The following NCKAP5L variants were observed in gnomAD, a reference collection of about 807,000 sequenced individuals.
The protein encoded by NCKAP5L is nck-associated protein 5-like.
NCKAP5L carries 54 observed loss-of-function variants against 103.2 expected under a neutral mutation model. The observed-to-expected ratio is 0.52, with a 90% CI of 0.42 to 0.66. NCKAP5L has a LOEUF of 0.66. Ranked by LOEUF, NCKAP5L falls within the 30% of genes least tolerant of loss-of-function variation. NCKAP5L has a pLI of 0.00. For missense variants in NCKAP5L, 1,733 were observed against 1,750.6 expected (o/e 0.99, Z 0.18); for synonymous variants, 762 against 748.6 (o/e 1.02, Z -0.29).
At chr12:49,794,521 GA>G (rs1945997526) in intron 8 of NCKAP5L, among the ~76,000 whole-genome samples, 1 of 152,128 alleles carries the variant, frequency 6.6e-6, no homozygotes, top group Non-Finnish European at 1.5e-5. Flanking sequence ...GACCATCCAG[GA>G]AGATGTGGAC....
intron 1 of NCKAP5L, among the ~76,000 whole-genome samples, chr12:49,822,465 TG>T (rs979088064): frequency 1.3e-5 from 2 of 152,144 alleles, no homozygotes; most frequent in Non-Finnish European, 2.9e-5. Flanking sequence ...TGTGTGTATT[TG>T]GTATTGTGTA....
At chr12:49,827,075 A>G (rs1204604524) in intron 1 of NCKAP5L, among the ~76,000 whole-genome samples, 2 of 152,200 alleles carry the variant, frequency 1.3e-5, no homozygotes, top group African/African-American at 4.8e-5. Flanking sequence ...CCTATCACAC[A>G]AGGAGTCTCA....
rs536060380 is a variant in NCKAP5L, at chr12:49,816,902, T to C, written c.-98-10861A>G. Among the ~76,000 whole-genome samples the C allele has an allele frequency of 6.6e-5, 10 of 152,182 alleles. 1 individual carries two copies. In the South Asian group the frequency reaches 1.9e-3, roughly 28 times the overall value. ...TACAGATATTTCTGAACCGACAAAC[T>C]TACTAGGAAATGCAATGCTTGGGTA... On this transcript the variant is annotated intron_variant, in intron 1 of 12. Transcript: ENST00000335999.
In NCKAP5L at chr12:49,791,634, G is replaced by T. The variant is rs1945935417; in HGVS notation, c.*205C>A. 2.1e-6 allele frequency: 1 copy of T among 485,656 alleles called. No individual in the cohort carries two copies. The highest frequency in any genetic ancestry group is 3.3e-5 in the East Asian group (1 of 30,420). 30.1% of individuals were successfully genotyped at this position (485,656 alleles called of 1,614,324 possible). A position where few individuals can be genotyped will look rare whatever the true frequency, so the allele number is the denominator to read the frequency against. On this transcript the variant is annotated 3_prime_UTR_variant, in exon 13 of 13. Coordinates refer to ENST00000335999, the MANE Select transcript of NCKAP5L (RefSeq NM_001037806.4). ...GGTGAGAGAAGGGACCAAGGGCGGG[G>T]TCTCTCCCTGAGCTGAGCACGGTCA...
chr12:49,792,951 T>A lies in NCKAP5L; in HGVS notation c.3376A>T (p.Ile1126Phe). Residue 1126 changes from isoleucine (I) to phenylalanine (F), a missense_variant, in exon 11 of 13, where the codon ATT (isoleucine) becomes TTT (phenylalanine). By Grantham distance (21) the Ile-to-Phe change is conservative. Transcript: ENST00000335999. This position sits in a 1 kb window ranked among gnomAD's most constrained non-coding sequence, Gnocchi z 4.5. Reference protein sequence around the residue: ...GSLTRTLDSGIGTFPPPDHGS... With the variant: ...GSLTRTLDSGFGTFPPPDHGS... ...TGGTCTGGGGGTGGGAAGGTCCCAA[T>A]GCCACTGTCCAAGGTTCGAGTCAAG... 1 of 1,558,472 alleles carries A rather than the reference T, an allele frequency of 6.4e-7. No individual in the cohort carries two copies. The highest frequency in any genetic ancestry group is 8.6e-7 in the Non-Finnish European group (1 of 1,159,896).
At chr12:49,818,715 G>A (rs1946327921) in intron 1 of NCKAP5L, among the ~76,000 whole-genome samples, 3 of 152,124 alleles carry the variant, frequency 2.0e-5, no homozygotes, top group Middle Eastern at 3.4e-3. Context: ...AAAAATGCTC[G>A]ATATCACGAA....
intron 6 of NCKAP5L, 30 bp downstream of exon 6, chr12:49,801,818 G>A (rs764747016): frequency 1.1e-5 from 17 of 1,612,274 alleles, no homozygotes; most frequent in Middle Eastern, 1.7e-4. Context: ...GAGGCAGTGC[G>A]ATGGGAGTGA....
In NCKAP5L at chr12:49,796,023, A is replaced by G. The variant is rs1286133584; in HGVS notation, c.1837T>C (p.Tyr613His). The G allele has an allele frequency of 6.4e-7, 1 of 1,552,972 alleles. No homozygotes were observed. The highest frequency in any genetic ancestry group is 8.7e-7 in the Non-Finnish European group (1 of 1,154,852). The change falls in exon 8 of 13, where the codon TAC becomes CAC. Residue 613 changes from tyrosine to histidine, a missense_variant. By Grantham distance (83) the Tyr-to-His change is moderately conservative. Coordinates refer to ENST00000335999, the MANE Select transcript of NCKAP5L (RefSeq NM_001037806.4). ...TTCTCTTGGGGGCTCCCATAGGGGT[A>G]CGATTCTGGGAGGCAAGGACTGGGG... ...VPPSPCLPES[Y>H]PYGSPQEKSL...
In NCKAP5L at chr12:49,794,852, C is replaced by T; in HGVS notation, c.3008G>A (p.Gly1003Glu). ...CACCTGCCCCAGCCCCGTGTTGGGC[C>T]CTGGGGCTGGGCCACCAGGCCGTGG... The part of the protein sequence containing the change: ...ARPRPGGPAP[G>E]PNTGLGQVQG... The change falls in exon 8 of 13, where the codon GGG becomes GAG. Residue 1003 changes from glycine to glutamate, a missense_variant. Gly to Glu is a moderately conservative substitution (Grantham distance 98). Transcript: ENST00000335999. 3.3e-6 allele frequency: 5 copies of T among 1,508,866 alleles called. No individual in the cohort carries two copies. Among genetic ancestry groups the T allele is most frequent in the Non-Finnish European group, 4.4e-6 (5 of 1,129,168 alleles). 93.5% of individuals were successfully genotyped at this position (1,508,866 alleles called of 1,614,324 possible). A position where few individuals can be genotyped will look rare whatever the true frequency, so the allele number is the denominator to read the frequency against.
Position 49,791,941 on chromosome 12 carries a change from C to T in NCKAP5L, c.3903G>A (p.Glu1301=). 1 of 1,612,542 alleles carries T rather than the reference C, an allele frequency of 6.2e-7. No individual in the cohort carries two copies. Among genetic ancestry groups the T allele is most frequent in the South Asian group, 1.1e-5 (1 of 90,936 alleles). ...GGCCCCCGCTGGCCACTCTGCCTTC[C>T]TCGGCCATGTCCGAAGTGCTGGGGG... ...SRTPSTSDMA[E]EGRVASGGPP... is the part of the protein sequence containing the mutation. Residue 1301 remains glutamate, a synonymous_variant, in exon 13 of 13, where the codon GAG becomes GAA. Transcript: ENST00000335999.
intron 1 of NCKAP5L, among the ~76,000 whole-genome samples, chr12:49,823,310 G>A (rs1946381054): frequency 6.6e-6 from 1 of 152,104 alleles, no homozygotes; most frequent in Admixed American, 6.6e-5. Flanking sequence ...GGCAGGTTCT[G>A]GGGGTGTCTG....
chr12:49,824,907 C>T (rs890080699), intron 1 of NCKAP5L, among the ~76,000 whole-genome samples: 1 of 152,196 alleles, frequency 6.6e-6, no homozygotes, highest in African/African-American at 2.4e-5. Context: ...CTGGAGGGTC[C>T]TGCGATAACA....
chr12:49,810,193 G>C (rs1946224376), intron 1 of NCKAP5L, among the ~76,000 whole-genome samples: 3 of 150,860 alleles, frequency 2.0e-5, no homozygotes, highest in Admixed American at 2.0e-4. Flanking sequence ...GGGAGGGAAG[G>C]GGGTGGGGAG....
chr12:49,812,351 C>T (rs1215269202), intron 1 of NCKAP5L, among the ~76,000 whole-genome samples: 10 of 151,548 alleles, frequency 6.6e-5, no homozygotes, highest in Non-Finnish European at 8.8e-5. Flanking sequence ...TGTTGTTGCA[C>T]GTATCAGTAG....
At chr12:49,793,498 T>C (rs1945975194) in intron 9 of NCKAP5L, 65 bp from the exon 10 acceptor site, 2 of 1,515,956 alleles carry the variant, frequency 1.3e-6, no homozygotes, top group Non-Finnish European at 1.8e-6. Flanking sequence ...CCCATGCCTC[T>C]AGAGGGTGGG....
chr12:49,824,310 C>T (rs1337329680), intron 1 of NCKAP5L, among the ~76,000 whole-genome samples: 3 of 152,188 alleles, frequency 2.0e-5, no homozygotes, highest in African/African-American at 7.2e-5. Context: ...AACAGCCCCA[C>T]GCCACAGGCA....
At position 49,796,709 on chromosome 12, in the gene NCKAP5L, C is replaced by T. The variant is rs2137001754; in HGVS notation, c.1151G>A (p.Gly384Asp). ...KGLPKSAWGG[G>D]TPEAHRPGFG... ...GCCTGGCCTGTGGGCCTCTGGGGTACCCCCACCCCAAGCTGACTTGGGGAG... is the reference window on the plus strand; with the variant it reads ...GCCTGGCCTGTGGGCCTCTGGGGTATCCCCACCCCAAGCTGACTTGGGGAG... Residue 384 changes from glycine (G) to aspartate (D), a missense_variant, in exon 8 of 13, where the codon GGT becomes GAT. Gly to Asp is a moderately conservative substitution (Grantham distance 94, BLOSUM62 -1). Coordinates refer to ENST00000335999, the MANE Select transcript of NCKAP5L (RefSeq NM_001037806.4). 2 of 1,602,266 alleles carry T rather than the reference C, an allele frequency of 1.2e-6. No individual in the cohort carries two copies. Among genetic ancestry groups the T allele is most frequent in the South Asian group, 1.1e-5 (1 of 89,856 alleles).
At chr12:49,822,456 G>A (rs1423438790) in intron 1 of NCKAP5L, among the ~76,000 whole-genome samples, 1 of 152,088 alleles carries the variant, frequency 6.6e-6, no homozygotes, top group Admixed American at 6.6e-5. Flanking sequence ...ATATATATTT[G>A]TGTGTATTTG....
At position 49,796,020 on chromosome 12, in the gene NCKAP5L, G is replaced by C. The variant is rs186697175; in HGVS notation, c.1840C>G (p.Pro614Ala). The C allele has an allele frequency of 4.1e-4, 635 of 1,552,612 alleles. 1 individual carries two copies. In the African/African-American group the frequency reaches 6.5e-3, roughly 16 times the overall value. ...PPSPCLPESY[P>A]YGSPQEKSLD... ...CTCTTCTCTTGGGGGCTCCCATAGG[G>C]GTACGATTCTGGGAGGCAAGGACTG... Residue 614 changes from proline to alanine, a missense_variant, in exon 8 of 13, where the codon CCC (proline) becomes GCC (alanine). Transcript: ENST00000335999.
Sources: allele counts gnomAD v4.1 joint callset (sites outside exome capture counted in the v4.1 genomes callset), GRCh38; gene constraint gnomAD v4.1.1; non-coding constraint Gnocchi (gnomAD v3.1); transcripts MANE v1.5; gene names NCBI Gene and HGNC (gene_info 2026-07-23, HGNC 2026-07-21).